Variants in AGBL4 observed in about 807,000 individuals in gnomAD.
AGBL4 encodes AGBL carboxypeptidase 4.
In AGBL4, 58 loss-of-function variants were observed where a neutral mutation model predicts 66.4. That is an observed-to-expected ratio of 0.87 (90% CI 0.71 to 1.09). The LOEUF is 1.09. Among genes scored for constraint, AGBL4 ranks in the 50% least tolerant of loss-of-function variants. The probability of loss-of-function intolerance (pLI) is 0.00; values close to 1 mark genes in which losing one functional copy is unlikely to be tolerated. For synonymous variants in AGBL4, 234 were observed against 222.9 expected (o/e 1.05, Z -0.44); for missense variants, 579 against 631.0 (o/e 0.92, Z 0.88).
rs1237510108 is a variant in AGBL4, at chr1:48,635,323, A to C, written c.840-719T>G. On this transcript the variant is annotated intron_variant, in intron 8 of 13. Coordinates refer to ENST00000371839, the MANE Select transcript of AGBL4 (RefSeq NM_032785.4). ...CCAGGGCATAAGCTTTCTCTTTCCAAATGCCTCTTTCCTCAATGCCCCTGG... is the reference window on the plus strand; with the variant it reads ...CCAGGGCATAAGCTTTCTCTTTCCACATGCCTCTTTCCTCAATGCCCCTGG... 2.6e-5 allele frequency among the ~76,000 whole-genome samples: 4 copies of C among 152,210 alleles called. No homozygotes were observed. The East Asian group carries it at 7.7e-4, about 29-fold the overall frequency.
chr1:48,846,004 A>G (rs1201686323), intron 6 of AGBL4, among the ~76,000 whole-genome samples: 1 of 152,162 alleles, frequency 6.6e-6, no homozygotes, highest in Non-Finnish European at 1.5e-5. Flanking sequence ...GTGGAGGCCA[A>G]TGTGGTAGGA....
intron 3 of AGBL4, among the ~76,000 whole-genome samples, chr1:49,340,261 C>T (rs892026198): frequency 2.5e-4 from 38 of 151,400 alleles, no homozygotes; most frequent in Non-Finnish European, 1.0e-4. Context: ...GACCAATCCC[C>T]ACCTTGCCTG....
At chr1:49,872,324 C>T (rs1420127630) in intron 1 of AGBL4, among the ~76,000 whole-genome samples, 1 of 151,868 alleles carries the variant, frequency 6.6e-6, no homozygotes. Flanking sequence ...TCAATAAGAA[C>T]CTATTTTCTT....
chr1:48,605,151 A>T (rs1031773966), intron 9 of AGBL4, among the ~76,000 whole-genome samples: 4 of 152,198 alleles, frequency 2.6e-5, no homozygotes. Context: ...TAAAATCTAG[A>T]TCTATCCATA....
chr1:49,001,094 A>G (rs951334058), intron 5 of AGBL4, among the ~76,000 whole-genome samples: 2 of 152,132 alleles, frequency 1.3e-5, no homozygotes, highest in South Asian at 4.1e-4. Flanking sequence ...CTGCTTAGGG[A>G]TATTACTTTC....
chr1:49,772,354 G>A (rs1028861630), intron 2 of AGBL4, among the ~76,000 whole-genome samples: 13 of 152,040 alleles, frequency 8.6e-5, no homozygotes, highest in Non-Finnish European at 1.6e-4. Context: ...ATGTATTGAT[G>A]TTTTTGACCT....
At chr1:49,737,417 G>C (rs1484659467) in intron 2 of AGBL4, among the ~76,000 whole-genome samples, 1 of 152,142 alleles carries the variant, frequency 6.6e-6, no homozygotes, top group Non-Finnish European at 1.5e-5. Context: ...TATCCTAAGT[G>C]AACTAACACA....
intron 3 of AGBL4, among the ~76,000 whole-genome samples, chr1:49,454,227 A>G (rs1258819031): frequency 6.6e-6 from 1 of 151,804 alleles, no homozygotes; most frequent in Non-Finnish European, 1.5e-5. Context: ...GAGCATTGAG[A>G]TGGCAAACAG....
At chr1:48,881,002 G>A (rs995056327) in intron 5 of AGBL4, among the ~76,000 whole-genome samples, 1 of 152,092 alleles carries the variant, frequency 6.6e-6, no homozygotes, top group African/African-American at 2.4e-5. Flanking sequence ...CATTTAGACT[G>A]TTATTATTTT....
intron 6 of AGBL4, among the ~76,000 whole-genome samples, chr1:48,745,688 T>C (rs1445917137): frequency 6.6e-6 from 1 of 152,192 alleles, no homozygotes; most frequent in Non-Finnish European, 1.5e-5. Context: ...ATCTCTCCAA[T>C]GAGGCTGCCC....
At chr1:49,463,350 A>G (rs1401653821) in intron 3 of AGBL4, among the ~76,000 whole-genome samples, 1 of 151,686 alleles carries the variant, frequency 6.6e-6, no homozygotes, top group African/African-American at 2.4e-5. Flanking sequence ...ATAATTATCA[A>G]TAGTACTCTT....
intron 6 of AGBL4, among the ~76,000 whole-genome samples, chr1:48,757,699 A>G (rs1490250984): frequency 6.6e-6 from 1 of 152,274 alleles, no homozygotes; most frequent in Admixed American, 6.5e-5. Flanking sequence ...ACCTACAAAT[A>G]TAAGTAAATT....
intron 3 of AGBL4, among the ~76,000 whole-genome samples, chr1:49,285,875 A>C (rs1644394716): frequency 6.6e-6 from 1 of 152,246 alleles, no homozygotes; most frequent in African/African-American, 2.4e-5. Context: ...GGCCAGCATC[A>C]TTCTGATACC....
chr1:49,923,447 TA>T (rs1038803922), intron 1 of AGBL4, among the ~76,000 whole-genome samples: 26 of 147,036 alleles, frequency 1.8e-4, no homozygotes, highest in African/African-American at 4.5e-4. Context: ...GGTGACAAAA[TA>T]AAAAAAAAAT....
intron 3 of AGBL4, among the ~76,000 whole-genome samples, chr1:49,371,498 T>C (rs1011884232): frequency 2.0e-5 from 3 of 152,162 alleles, no homozygotes; most frequent in African/African-American, 7.2e-5. Context: ...TAGTCTTTTT[T>C]AGTGGGAGTG....
At chr1:49,329,762 T>C (rs1419426617) in intron 3 of AGBL4, among the ~76,000 whole-genome samples, 3 of 151,956 alleles carry the variant, frequency 2.0e-5, no homozygotes, top group Non-Finnish European at 2.9e-5. Flanking sequence ...GTGTGGCCCA[T>C]TAATGCTAGT....
intron 4 of AGBL4, among the ~76,000 whole-genome samples, chr1:49,123,861 T>G (rs991382713): frequency 2.0e-5 from 3 of 152,240 alleles, no homozygotes; most frequent in Admixed American, 6.5e-5. Context: ...CTCAACCCAA[T>G]AAGTACAGAC....
chr1:49,785,562 A>G (rs1644432125), intron 2 of AGBL4, among the ~76,000 whole-genome samples: 1 of 152,026 alleles, frequency 6.6e-6, no homozygotes, highest in African/African-American at 2.4e-5. Flanking sequence ...CAACTATGGT[A>G]TTAATATCCT....
intron 6 of AGBL4, among the ~76,000 whole-genome samples, chr1:48,777,394 G>C (rs891299597): frequency 6.6e-5 from 10 of 152,176 alleles, no homozygotes; most frequent in Non-Finnish European, 1.3e-4. Flanking sequence ...CAGAAGTTTG[G>C]AGTGTTTTAA....
Sources: allele counts gnomAD v4.1 joint callset (sites outside exome capture counted in the v4.1 genomes callset), GRCh38; gene constraint gnomAD v4.1.1; transcripts MANE v1.5; gene names NCBI Gene and HGNC (gene_info 2026-07-23, HGNC 2026-07-21).